The following EXOC6B variants were observed in gnomAD, a reference collection of about 807,000 sequenced individuals.
EXOC6B encodes the protein exocyst complex component 6B.
In EXOC6B, 54 loss-of-function variants were observed where a neutral mutation model predicts 113.5. The observed-to-expected ratio is 0.48, with a 90% confidence interval of 0.38 to 0.60. EXOC6B has a LOEUF of 0.60. Ranked by LOEUF, EXOC6B falls within the 20% of genes least tolerant of loss-of-function variation. EXOC6B has a pLI of 0.00. For synonymous variants in EXOC6B, 357 were observed against 339.0 expected (o/e 1.05, Z -0.58); for missense variants, 797 against 977.5 (o/e 0.82, Z 2.46).
At chr2:72,199,806 T>G (rs1184228835) in intron 20 of EXOC6B, among the ~76,000 whole-genome samples, 2 of 152,222 alleles carry the variant, frequency 1.3e-5, no homozygotes, top group African/African-American at 4.8e-5. Context: ...TGTTCCATAT[T>G]ATCTGTCTTT....
intron 6 of EXOC6B, among the ~76,000 whole-genome samples, chr2:72,630,488 G>A (rs190421960): frequency 3.7e-4 from 56 of 152,200 alleles, no homozygotes; most frequent in African/African-American, 1.3e-3. Flanking sequence ...TCTCATACCT[G>A]TTAAATTCCC....
At chr2:72,379,065 G>C (rs577296226) in intron 19 of EXOC6B, among the ~76,000 whole-genome samples, 63 of 152,290 alleles carry the variant, frequency 4.1e-4, no homozygotes, top group African/African-American at 1.4e-3. Context: ...AAAAGGAATA[G>C]GTGAAGGCTG....
intron 19 of EXOC6B, among the ~76,000 whole-genome samples, chr2:72,374,236 A>G (rs1393052298): frequency 6.6e-6 from 1 of 152,218 alleles, no homozygotes; most frequent in African/African-American, 2.4e-5. Context: ...CTGCACTCTC[A>G]TATTTGTTGC....
At chr2:72,663,726 T>A (rs1241999539) in intron 6 of EXOC6B, among the ~76,000 whole-genome samples, 1 of 152,068 alleles carries the variant, frequency 6.6e-6, no homozygotes, top group African/African-American at 2.4e-5. Context: ...AGAGGTGGAA[T>A]ACATAGGACT....
chr2:72,354,122 A>G (rs894575501), intron 19 of EXOC6B: 1 of 152,192 alleles, frequency 6.6e-6, no homozygotes, highest in African/African-American at 2.4e-5. Context: ...CCACCCCAAT[A>G]TCCCTTGAAA....
chr2:72,349,500 A>T (rs1006814551), intron 19 of EXOC6B, among the ~76,000 whole-genome samples: 2 of 152,204 alleles, frequency 1.3e-5, no homozygotes, highest in African/African-American at 4.8e-5. Context: ...GAGCTCAATC[A>T]TGTGACTAAT....
At chr2:72,390,849 G>GGTTT (rs1160662614) in intron 18 of EXOC6B, among the ~76,000 whole-genome samples, 1 of 152,104 alleles carries the variant, frequency 6.6e-6, no homozygotes, top group Non-Finnish European at 1.5e-5. Context: ...ACAATTTGAT[G>GGTTT]GTTTGTTTGT....
intron 18 of EXOC6B, among the ~76,000 whole-genome samples, chr2:72,452,101 AT>A (rs1460812278): frequency 5.3e-5 from 8 of 152,318 alleles, no homozygotes; most frequent in African/African-American, 1.9e-4. Flanking sequence ...CCAAGCAGTA[AT>A]ATTTTCTTCC....
chr2:72,387,889 G>A (rs1280954108), intron 18 of EXOC6B, among the ~76,000 whole-genome samples: 1 of 150,704 alleles, frequency 6.6e-6, no homozygotes, highest in African/African-American at 2.4e-5. Flanking sequence ...TCTTTTTTTA[G>A]CTTCATAAGA....
At chr2:72,298,333 G>C (rs996978552) in intron 20 of EXOC6B, among the ~76,000 whole-genome samples, 1 of 151,702 alleles carries the variant, frequency 6.6e-6, no homozygotes, top group Non-Finnish European at 1.5e-5. Flanking sequence ...CTTTCCATTT[G>C]CTTGGTAAAT....
At chr2:72,633,680 A>AGGT (rs1443858171) in intron 6 of EXOC6B, among the ~76,000 whole-genome samples, 6 of 152,202 alleles carry the variant, frequency 3.9e-5, no homozygotes, top group African/African-American at 1.4e-4. Flanking sequence ...CAGGTAAAAC[A>AGGT]CCTGGAACAG....
chr2:72,356,582 A>G (rs1322551620), intron 19 of EXOC6B, among the ~76,000 whole-genome samples: 1 of 152,178 alleles, frequency 6.6e-6, no homozygotes, highest in East Asian at 1.9e-4. Context: ...CATTACCCCA[A>G]AGTAAACAGT....
chr2:72,536,898 T>A (rs1050579828), intron 8 of EXOC6B, among the ~76,000 whole-genome samples: 1 of 152,258 alleles, frequency 6.6e-6, no homozygotes, highest in South Asian at 2.1e-4. Flanking sequence ...CTTTGCATTG[T>A]ATGAAGAACC....
At chr2:72,471,560 T>C (rs965022742) in intron 17 of EXOC6B, among the ~76,000 whole-genome samples, 1 of 152,176 alleles carries the variant, frequency 6.6e-6, no homozygotes, top group Non-Finnish European at 1.5e-5. Context: ...CTGAATGGTA[T>C]TGCCTAGGTT....
chr2:72,410,621 A>G (rs921448345), intron 18 of EXOC6B, among the ~76,000 whole-genome samples: 4 of 152,224 alleles, frequency 2.6e-5, no homozygotes, highest in African/African-American at 9.6e-5. Flanking sequence ...CACACACCAC[A>G]TGTTAAAAGA....
chr2:72,303,015 TG>T (rs1234015138), intron 20 of EXOC6B, among the ~76,000 whole-genome samples: 1 of 152,202 alleles, frequency 6.6e-6, no homozygotes, highest in East Asian at 1.9e-4. Flanking sequence ...GTGGGTCTGG[TG>T]ATACCAGACC....
rs371900742 is a variant in EXOC6B at position 72,523,713 on chromosome 2, G to A, written c.916-8587C>T. ...GGAGAATGGCGTGAACCCGGGAGGC[G>A]GAGCTTGCCATGAGCCGAGATCACG... is the stretch of plus-strand genomic sequence containing the variant. On this transcript the variant is annotated intron_variant, in intron 8 of 21. Transcript: ENST00000272427. 3.8e-3 allele frequency among the ~76,000 whole-genome samples: 564 copies of A among 150,092 alleles called. 1 individual carries two copies. Among genetic ancestry groups the A allele is most frequent in the South Asian group, 0.01 (49 of 4,754 alleles).
chr2:72,785,684 C>T (rs1341654206), intron 1 of EXOC6B, among the ~76,000 whole-genome samples: 2 of 152,246 alleles, frequency 1.3e-5, no homozygotes, highest in African/African-American at 2.4e-5. Flanking sequence ...CCCTAGGCTG[C>T]ACACAGCAGG....
At chr2:72,417,459 A>G (rs939588968) in intron 18 of EXOC6B, among the ~76,000 whole-genome samples, 15 of 152,284 alleles carry the variant, frequency 9.9e-5, no homozygotes, top group Non-Finnish European at 1.3e-4. Flanking sequence ...TGCCTGGCCA[A>G]TTCATTGGTC....
Sources: gnomAD v4.1 joint callset for allele counts (sites outside exome capture counted in the v4.1 genomes callset) on GRCh38, gnomAD v4.1.1 for gene constraint, MANE v1.5 for transcripts, NCBI Gene and HGNC (gene_info 2026-07-23, HGNC 2026-07-21) for gene names.